The following GRID1 variants were observed in gnomAD, a reference collection of about 807,000 sequenced individuals.
The protein encoded by GRID1 is glutamate ionotropic receptor delta type subunit 1.
GRID1 carries 28 observed loss-of-function variants against 98.0 expected under a neutral mutation model. The observed-to-expected ratio is 0.29, with a 90% CI of 0.21 to 0.39. The LOEUF is 0.39. Among genes scored for constraint, GRID1 ranks in the 10% least tolerant of loss-of-function variants. The pLI is 1.00. For synonymous variants in GRID1, 553 were observed against 538.5 expected (o/e 1.03, Z -0.37); for missense variants, 1,111 against 1,340.5 (o/e 0.83, Z 2.67).
chr10:86,257,966 T>A (rs972250806), intron 2 of GRID1, among the ~76,000 whole-genome samples: 1 of 152,162 alleles, frequency 6.6e-6, no homozygotes, highest in African/African-American at 2.4e-5. Flanking sequence ...GCAAAACACA[T>A]GCCCAGTCTC....
intron 2 of GRID1, among the ~76,000 whole-genome samples, chr10:86,236,580 G>A (rs1001720708): frequency 7.2e-5 from 11 of 152,176 alleles, no homozygotes; most frequent in South Asian, 2.1e-4. Context: ...AGGCCATTCC[G>A]GCATCCCCAG....
At chr10:86,324,614 G>A (rs1413828763) in intron 2 of GRID1, among the ~76,000 whole-genome samples, 1 of 151,998 alleles carries the variant, frequency 6.6e-6, no homozygotes, top group Non-Finnish European at 1.5e-5. Flanking sequence ...ACAAAAACCT[G>A]GACAAAGAAA....
chr10:86,013,997 T>C (rs996779837), intron 4 of GRID1, among the ~76,000 whole-genome samples: 1 of 152,234 alleles, frequency 6.6e-6, no homozygotes, highest in African/African-American at 2.4e-5. Context: ...TTTCTGGATT[T>C]GGAAGCAACA....
chr10:86,202,928 TCTGA>T (rs1262575654), intron 3 of GRID1, among the ~76,000 whole-genome samples: 2 of 152,188 alleles, frequency 1.3e-5, no homozygotes, highest in Non-Finnish European at 2.9e-5. Context: ...TGGCATCAAC[TCTGA>T]CTGGCTGGGG....
intron 4 of GRID1, among the ~76,000 whole-genome samples, chr10:85,989,242 G>A (rs1035484305): frequency 3.3e-5 from 5 of 152,224 alleles, no homozygotes; most frequent in South Asian, 4.1e-4. Flanking sequence ...TGTGTCACAG[G>A]TGGGTCATTT....
intron 4 of GRID1, among the ~76,000 whole-genome samples, chr10:86,116,018 G>A (rs371209960): frequency 2.0e-5 from 3 of 152,162 alleles, no homozygotes; most frequent in African/African-American, 4.8e-5. Flanking sequence ...GCATAGGAGC[G>A]ATAGGCTGTA....
chr10:86,123,405 G>A (rs1564681912), intron 4 of GRID1, among the ~76,000 whole-genome samples: 1 of 152,186 alleles, frequency 6.6e-6, no homozygotes, highest in South Asian at 2.1e-4. Context: ...TATGGTGGAG[G>A]TAGGGGCATC....
intron 8 of GRID1, among the ~76,000 whole-genome samples, chr10:85,769,832 T>G (rs1168531125): frequency 6.6e-6 from 1 of 152,204 alleles, no homozygotes; most frequent in Non-Finnish European, 1.5e-5. Context: ...AAGCTCCAAC[T>G]GGGTGGAGCC....
At chr10:85,832,800 C>T (rs1842880081) in intron 8 of GRID1, among the ~76,000 whole-genome samples, 1 of 152,144 alleles carries the variant, frequency 6.6e-6, no homozygotes, top group South Asian at 2.1e-4. Context: ...TCCGGGTAGG[C>T]TCATTCTTCT....
intron 2 of GRID1, among the ~76,000 whole-genome samples, chr10:86,267,136 G>T (rs1329369755): frequency 2.0e-5 from 3 of 152,214 alleles, no homozygotes; most frequent in Non-Finnish European, 2.9e-5. Flanking sequence ...TAAATGAATA[G>T]ATGGAATGCC....
chr10:86,139,183 C>T (rs753270503), intron 3 of GRID1, among the ~76,000 whole-genome samples, 159 bp from the exon 4 acceptor site: 6 of 152,158 alleles, frequency 3.9e-5, no homozygotes, highest in African/African-American at 7.2e-5. Flanking sequence ...GGTTGGAGGA[C>T]GCCGGCGTAG....
At chr10:86,168,853 G>A (rs1291301956) in intron 3 of GRID1, among the ~76,000 whole-genome samples, 16 of 152,212 alleles carry the variant, frequency 1.1e-4, no homozygotes, top group Admixed American at 1.0e-3. Flanking sequence ...CAGGCAAGGG[G>A]CACAGGTGAC....
chr10:86,189,361 C>T (rs1390245961), intron 3 of GRID1, among the ~76,000 whole-genome samples: 2 of 152,042 alleles, frequency 1.3e-5, no homozygotes, highest in African/African-American at 4.8e-5. Context: ...TACAAAGTGG[C>T]CCCATGTGTC....
chr10:85,634,249 CCTCTCT>C (rs775506130), intron 13 of GRID1, among the ~76,000 whole-genome samples: 1,545 of 92,344 alleles, frequency 0.017, 38 homozygotes, highest in African/African-American at 0.056. Context: ...TGATGGGGCA[CCTCTCT>C]CTCTCTCTCT....
At chr10:86,341,461 G>A (rs752357921) in intron 2 of GRID1, among the ~76,000 whole-genome samples, 4 of 152,098 alleles carry the variant, frequency 2.6e-5, no homozygotes, top group Non-Finnish European at 5.9e-5. Context: ...CTTAACCAAG[G>A]ACCTTAAAGG....
chr10:85,607,564 G>C (rs1259244520), intron 15 of GRID1, among the ~76,000 whole-genome samples: 1 of 152,152 alleles, frequency 6.6e-6, no homozygotes, highest in East Asian at 1.9e-4. Flanking sequence ...GAGATGGTGG[G>C]CAGTTTTTCA....
chr10:86,291,239 A>AC (rs1251866408), intron 2 of GRID1, among the ~76,000 whole-genome samples: 1 of 152,214 alleles, frequency 6.6e-6, no homozygotes, highest in Non-Finnish European at 1.5e-5. Context: ...CACAGAGCAC[A>AC]CAACAAGAGG....
chr10:85,889,064 C>T (rs970633089), intron 5 of GRID1, among the ~76,000 whole-genome samples: 1 of 152,170 alleles, frequency 6.6e-6, no homozygotes, highest in African/African-American at 2.4e-5. Context: ...TTCTGCAGGT[C>T]TACTTGGATT....
intron 4 of GRID1, among the ~76,000 whole-genome samples, chr10:86,110,673 G>A (rs1844467878): frequency 6.6e-6 from 1 of 152,140 alleles, no homozygotes; most frequent in African/African-American, 2.4e-5. Flanking sequence ...TTTCCCAGCT[G>A]TAACGTTGGG....
Sources: gnomAD v4.1 joint callset for allele counts (sites outside exome capture counted in the v4.1 genomes callset) on GRCh38, gnomAD v4.1.1 for gene constraint, MANE v1.5 for transcripts, NCBI Gene and HGNC (gene_info 2026-07-23, HGNC 2026-07-21) for gene names.